Variants in NRG2 observed in about 807,000 individuals in gnomAD.
NRG2 encodes neuregulin 2.
In NRG2, 27 loss-of-function variants were observed where a neutral mutation model predicts 73.9. The observed-to-expected ratio is 0.37, with a 90% CI of 0.27 to 0.50. The LOEUF (loss-of-function observed/expected upper bound fraction) is 0.50. Among genes scored for constraint, NRG2 ranks in the 20% least tolerant of loss-of-function variants. The pLI, the probability that NRG2 is intolerant of heterozygous loss-of-function variation, is 0.96. For synonymous variants in NRG2, 532 were observed against 541.0 expected, an observed-to-expected ratio of 0.98 and a Z score of 0.23; for missense variants, 1,126 against 1,210.1, an observed-to-expected ratio of 0.93 and a Z score of 1.03.
chr5:139,955,182 G>A (rs1329607736), intron 1 of NRG2, among the ~76,000 whole-genome samples: 1 of 152,164 alleles, frequency 6.6e-6, no homozygotes, highest in Non-Finnish European at 1.5e-5. Context: ...TGCAAGTGCT[G>A]AGCTTAGGGT....
chr5:140,033,881 T>C (rs967624253), intron 1 of NRG2, among the ~76,000 whole-genome samples: 6 of 152,218 alleles, frequency 3.9e-5, no homozygotes, highest in Non-Finnish European at 2.9e-5. Context: ...GTGCCATCAC[T>C]ATCTTCATTT....
intron 1 of NRG2, among the ~76,000 whole-genome samples, chr5:139,924,786 G>A (rs1751931926): frequency 2.0e-5 from 3 of 152,176 alleles, no homozygotes; most frequent in South Asian, 2.1e-4. Context: ...TCCCTCAGCC[G>A]CCTCCCTTTC....
Position 139,856,793 on chromosome 5 carries a change from C to A in NRG2, c.1190-1015G>T, listed in dbSNP as rs981854804. On this transcript the variant is annotated intron_variant, in intron 5 of 9. Coordinates refer to ENST00000361474, the MANE Select transcript of NRG2 (RefSeq NM_004883.3). The surrounding 1 kb of genome is among the most constrained non-coding windows in gnomAD (Gnocchi z 4.2). ...ACAGGCAGACCCCTTCATTCACGCACACACACCTGCACACACAACATATGC... is the reference window on the plus strand; with the variant it reads ...ACAGGCAGACCCCTTCATTCACGCAAACACACCTGCACACACAACATATGC... Among the ~76,000 whole-genome samples, 1 of 152,208 alleles carries A rather than the reference C, an allele frequency of 6.6e-6. No homozygotes were observed. Among genetic ancestry groups the A allele is most frequent in the South Asian group, 2.1e-4 (1 of 4,834 alleles).
intron 1 of NRG2, among the ~76,000 whole-genome samples, chr5:139,930,344 G>A (rs1174820097): frequency 6.6e-6 from 1 of 152,190 alleles, no homozygotes; most frequent in East Asian, 1.9e-4. Context: ...AGATGATCAT[G>A]TCTATAAGGC....
intron 1 of NRG2, among the ~76,000 whole-genome samples, chr5:139,930,533 G>A (rs181577316): frequency 6.6e-6 from 1 of 152,194 alleles, no homozygotes; most frequent in Admixed American, 6.5e-5. Context: ...GGTTCCCTTT[G>A]GTTTGTGTTT....
chr5:139,897,612 G>A (rs773283151), intron 1 of NRG2, among the ~76,000 whole-genome samples: 2 of 152,178 alleles, frequency 1.3e-5, no homozygotes, highest in Non-Finnish European at 2.9e-5. Context: ...GGTGTTCACT[G>A]ATCACAGGCC....
At chr5:140,030,640 C>T (rs1459899255) in intron 1 of NRG2, among the ~76,000 whole-genome samples, 3 of 152,224 alleles carry the variant, frequency 2.0e-5, no homozygotes, top group South Asian at 4.1e-4. Context: ...GAAACAAATA[C>T]GGAAAGCTCA....
intron 1 of NRG2, among the ~76,000 whole-genome samples, chr5:139,918,897 A>C (rs1182071073): frequency 6.6e-6 from 1 of 152,236 alleles, no homozygotes; most frequent in Non-Finnish European, 1.5e-5. Context: ...GAAGCCAGGA[A>C]GAAATCAGTG....
intron 1 of NRG2, among the ~76,000 whole-genome samples, chr5:139,968,204 T>C (rs983404769): frequency 1.6e-4 from 24 of 151,906 alleles, no homozygotes; most frequent in African/African-American, 5.8e-4. Context: ...GGGCCCAGAA[T>C]CACCATGCCT....
intron 9 of NRG2, among the ~76,000 whole-genome samples, chr5:139,849,517 G>C (rs536841562): frequency 6.6e-5 from 10 of 152,186 alleles, no homozygotes; most frequent in African/African-American, 2.4e-4. Flanking sequence ...TATCTCCCAG[G>C]CTGGATCCCG....
intron 1 of NRG2, among the ~76,000 whole-genome samples, chr5:139,888,115 A>AAAACACACACACACACACAC (rs370887031): frequency 6.4e-4 from 95 of 148,904 alleles, no homozygotes; most frequent in African/African-American, 2.3e-3. Context: ...AAAACAAAAC[A>AAAACACACACACACACACAC]ACACACACAC....
Position 139,923,668 on chromosome 5 carries a change from C to T in NRG2, c.701-36157G>A, listed in dbSNP as rs539950330. 4.6e-5 allele frequency among the ~76,000 whole-genome samples: 7 copies of T among 152,272 alleles called. No homozygotes were observed. The South Asian group carries it at 8.3e-4, about 18-fold the overall frequency. The stretch of plus-strand genomic sequence containing the variant: ...ACTTGGGGGCTCTGGCCCTCTGGTA[C>T]GTTAACTTGAGAAATAGCCCTTAAG... On this transcript the variant is annotated intron_variant, in intron 1 of 9. Coordinates refer to ENST00000361474, the MANE Select transcript of NRG2 (RefSeq NM_004883.3).
At chr5:139,911,305 G>T (rs1428762663) in intron 1 of NRG2, among the ~76,000 whole-genome samples, 1 of 152,086 alleles carries the variant, frequency 6.6e-6, no homozygotes, top group Non-Finnish European at 1.5e-5. Flanking sequence ...TGGACTAAAT[G>T]ATGTTGAGAG....
intron 2 of NRG2, among the ~76,000 whole-genome samples, chr5:139,881,979 C>A (rs1183122606): frequency 6.6e-6 from 1 of 152,182 alleles, no homozygotes; most frequent in Non-Finnish European, 1.5e-5. Flanking sequence ...CCTCCAAGGG[C>A]CAGCATGAGC....
In NRG2 at chr5:139,847,769, G is replaced by T; in HGVS notation, c.*148C>A. 3 of 596,538 alleles carry T rather than the reference G, an allele frequency of 5.0e-6. No homozygotes were observed. Among genetic ancestry groups the T allele is most frequent in the Non-Finnish European group, 7.4e-6 (3 of 407,514 alleles). 37.0% of individuals were successfully genotyped at this position (596,538 alleles called of 1,614,324 possible). On this transcript the variant is annotated 3_prime_UTR_variant, in exon 10 of 10. Transcript: ENST00000361474. ...ATTATAAGACAATTTTTGCTAAAAT[G>T]AAAATAAAACATTTTGTTATACTTT...
At chr5:139,861,830 A>G in intron 5 of NRG2, 2 of 480,642 alleles carry the variant, frequency 4.2e-6, no homozygotes, top group Non-Finnish European at 8.3e-6. Context: ...GCAGCTGGAG[A>G]GCTCACATTG....
intron 1 of NRG2, among the ~76,000 whole-genome samples, chr5:139,918,562 G>A (rs972207385): frequency 2.0e-5 from 3 of 152,172 alleles, no homozygotes; most frequent in Non-Finnish European, 2.9e-5. Context: ...GAGGGTCCAA[G>A]ATGTGGTTAG....
intron 1 of NRG2, among the ~76,000 whole-genome samples, chr5:139,922,924 G>T (rs1751780389): frequency 6.6e-6 from 1 of 152,184 alleles, no homozygotes; most frequent in Non-Finnish European, 1.5e-5. Flanking sequence ...ACAGTAAAAA[G>T]ATCAGTGATT....
intron 1 of NRG2, among the ~76,000 whole-genome samples, chr5:139,996,970 GTC>G (rs1758064369): frequency 6.6e-6 from 1 of 151,902 alleles, no homozygotes; most frequent in African/African-American, 2.4e-5. Flanking sequence ...GTGAAACCCT[GTC>G]TCTACTAAAA....
Sources: allele counts gnomAD v4.1 joint callset (sites outside exome capture counted in the v4.1 genomes callset), GRCh38; gene constraint gnomAD v4.1.1; non-coding constraint Gnocchi (gnomAD v3.1); transcripts MANE v1.5; gene names NCBI Gene and HGNC (gene_info 2026-07-23, HGNC 2026-07-21).